SPAG16: variants seen among roughly 807,000 people sequenced by gnomAD.
SPAG16 encodes sperm-associated antigen 16 protein.
A neutral mutation model predicts 80.4 loss-of-function variants in SPAG16; 86 were observed. The ratio of observed to expected loss-of-function variants is 1.07; its 90% CI spans 0.90 to 1.28. SPAG16 has a LOEUF of 1.28. SPAG16 is among the 50% of genes most tolerant of loss of function. SPAG16 has a pLI of 0.00. For missense variants in SPAG16, 870 were observed against 765.3 expected (o/e 1.14, Z -1.61); for synonymous variants, 294 against 265.9 (o/e 1.11, Z -1.03).
chr2:213,331,832 A>G (rs148903633), intron 5 of SPAG16, among the ~76,000 whole-genome samples: 119 of 152,326 alleles, frequency 7.8e-4, no homozygotes, highest in African/African-American at 2.7e-3. Context: ...TCTTGGAACA[A>G]ATGATAGTGG....
intron 10 of SPAG16, among the ~76,000 whole-genome samples, chr2:213,818,756 GT>G (rs1365851384): frequency 6.6e-6 from 1 of 152,116 alleles, no homozygotes; most frequent in Non-Finnish European, 1.5e-5. Flanking sequence ...CATGGGGGTG[GT>G]TTTCCTGCTG....
intron 15 of SPAG16, among the ~76,000 whole-genome samples, chr2:214,328,152 C>CT (rs534713539): frequency 0.066 from 9,412 of 143,354 alleles, 930 homozygotes; most frequent in African/African-American, 0.22. Context: ...GTTTAGCAGT[C>CT]TTTTTTTTTT....
chr2:213,729,015 TG>T (rs938446031), intron 10 of SPAG16, among the ~76,000 whole-genome samples: 4 of 150,446 alleles, frequency 2.7e-5, no homozygotes, highest in African/African-American at 9.8e-5. Flanking sequence ...TATTTTTTGA[TG>T]GGGATAGTAA....
chr2:213,665,381 C>T (rs1306338681), intron 10 of SPAG16, among the ~76,000 whole-genome samples: 1 of 148,930 alleles, frequency 6.7e-6, no homozygotes, highest in Non-Finnish European at 1.5e-5. Context: ...AACACACACA[C>T]ACATACACAC....
At chr2:214,329,308 T>C (rs72952054) in intron 15 of SPAG16, among the ~76,000 whole-genome samples, 15,684 of 152,218 alleles carry the variant, frequency 0.1, 1,096 homozygotes, top group Middle Eastern at 0.16. Context: ...AGAATTCTTA[T>C]TATGTTTTAT....
chr2:213,858,687 G>A (rs2075282021), intron 10 of SPAG16, among the ~76,000 whole-genome samples: 2 of 152,230 alleles, frequency 1.3e-5, no homozygotes, highest in East Asian at 1.9e-4. Flanking sequence ...ATGTTGGGAA[G>A]AGGAACTGAA....
In SPAG16 at chr2:213,483,516, G is replaced by T. The variant is rs142588250; in HGVS notation, c.943-6447G>T. On this transcript the variant is annotated intron_variant, in intron 9 of 15. Coordinates refer to ENST00000331683, the MANE Select transcript of SPAG16 (RefSeq NM_024532.5). ...ATCTTTTAACTGTTTGCTAAATTTC[G>T]AAAGATGGGTTGTTGAGCAGATGGA... 7.2e-5 allele frequency among the ~76,000 whole-genome samples: 11 copies of T among 152,242 alleles called. 1 individual carries two copies. Among genetic ancestry groups the T allele is most frequent in the African/African-American group, 2.6e-4 (11 of 41,534 alleles).
chr2:214,372,899 G>A (rs1377183274), intron 15 of SPAG16, among the ~76,000 whole-genome samples: 1 of 152,062 alleles, frequency 6.6e-6, no homozygotes, highest in Non-Finnish European at 1.5e-5. Flanking sequence ...AATAAAACTT[G>A]TATTGAAATG....
chr2:213,403,698 T>C (rs1391311104), intron 9 of SPAG16, among the ~76,000 whole-genome samples: 1 of 152,194 alleles, frequency 6.6e-6, no homozygotes, highest in Non-Finnish European at 1.5e-5. Flanking sequence ...TGTTGGAAGT[T>C]CTGGCCAGGG....
At chr2:214,278,528 G>C (rs1008163575) in intron 15 of SPAG16, among the ~76,000 whole-genome samples, 1 of 152,068 alleles carries the variant, frequency 6.6e-6, no homozygotes, top group Non-Finnish European at 1.5e-5. Context: ...ATCATACAGT[G>C]GTATATTTGA....
chr2:214,017,709 G>A (rs2047662025), intron 13 of SPAG16, among the ~76,000 whole-genome samples: 1 of 152,124 alleles, frequency 6.6e-6, no homozygotes, highest in Admixed American at 6.6e-5. Context: ...GCACAGCACA[G>A]TACCTTCAGC....
chr2:213,540,022 TTTC>T lies in SPAG16; in HGVS notation c.1070+49935_1070+49937del, dbSNP rs2076380014. ...TTATTAGCACAATGATACCATTATA[TTTC>T]TTAATTTTTTTTTTTTTTTTTTTTT... On this transcript the variant is annotated intron_variant, in intron 10 of 15. Coordinates refer to ENST00000331683, the MANE Select transcript of SPAG16 (RefSeq NM_024532.5). 2.0e-5 allele frequency among the ~76,000 whole-genome samples: 3 copies of T among 149,152 alleles called. No individual in the cohort carries two copies. In the East Asian group the frequency reaches 5.9e-4, roughly 29 times the overall value.
At chr2:213,882,290 C>T (rs2076372986) in intron 11 of SPAG16, among the ~76,000 whole-genome samples, 1 of 151,938 alleles carries the variant, frequency 6.6e-6, no homozygotes, top group South Asian at 2.1e-4. Context: ...CCCAAAGATC[C>T]TTTTTTTATT....
At chr2:214,194,940 T>C (rs2057781107) in intron 15 of SPAG16, among the ~76,000 whole-genome samples, 1 of 152,020 alleles carries the variant, frequency 6.6e-6, no homozygotes. Flanking sequence ...ACTCTGGGGA[T>C]TTGGGGATGA....
intron 13 of SPAG16, among the ~76,000 whole-genome samples, chr2:214,076,582 G>A (rs2051092263): frequency 6.6e-6 from 1 of 151,360 alleles, no homozygotes. Context: ...TTGAGAGAGT[G>A]TATGCTACAA....
chr2:213,733,398 A>G (rs1460581439), intron 10 of SPAG16, among the ~76,000 whole-genome samples: 1 of 151,940 alleles, frequency 6.6e-6, no homozygotes, highest in East Asian at 1.9e-4. Flanking sequence ...GAGGAGGAAT[A>G]TCCCAATAAA....
Position 214,320,986 on chromosome 2 carries a change from A to G in SPAG16, c.1721-89154A>G, listed in dbSNP as rs1183637952. ...GAAGTATTTGTTAAAAAGTCCATTA[A>G]TGATCTTGTAGAATCACGTAAACAT... On this transcript the variant is annotated intron_variant, in intron 15 of 15. Coordinates refer to ENST00000331683, the MANE Select transcript of SPAG16 (RefSeq NM_024532.5). Among the ~76,000 whole-genome samples, 11 of 152,356 alleles carry G rather than the reference A, an allele frequency of 7.2e-5. No homozygotes were observed. The East Asian group carries it at 2.1e-3, about 29-fold the overall frequency.
chr2:214,288,269 C>A (rs755992762), intron 15 of SPAG16, among the ~76,000 whole-genome samples: 13 of 152,024 alleles, frequency 8.6e-5, no homozygotes, highest in Non-Finnish European at 1.3e-4. Flanking sequence ...ATTTTTATGG[C>A]CAAATAGTAT....
intron 10 of SPAG16, among the ~76,000 whole-genome samples, chr2:213,851,307 C>T (rs564301297): frequency 1.3e-5 from 2 of 152,038 alleles, no homozygotes; most frequent in African/African-American, 4.8e-5. Context: ...GTCAGGAGTT[C>T]GAGACCAGCC....
Sources: allele counts gnomAD v4.1 joint callset (sites outside exome capture counted in the v4.1 genomes callset), GRCh38; gene constraint gnomAD v4.1.1; transcripts MANE v1.5; gene names NCBI Gene and HGNC (gene_info 2026-07-23, HGNC 2026-07-21).